PCDH15: variants seen among roughly 807,000 people sequenced by gnomAD.
PCDH15 encodes the protein protocadherin related 15.
PCDH15 carries 129 observed loss-of-function variants against 178.5 expected under a neutral mutation model. The ratio of observed to expected loss-of-function variants is 0.72; its 90% CI spans 0.63 to 0.84. The LOEUF (loss-of-function observed/expected upper bound fraction) is 0.84. Among genes scored for constraint, PCDH15 ranks in the 40% least tolerant of loss-of-function variants. The probability of loss-of-function intolerance (pLI) is 0.00; values close to 1 mark genes in which losing one functional copy is unlikely to be tolerated. For synonymous variants in PCDH15, 800 were observed against 732.0 expected (o/e 1.09, Z -1.50); for missense variants, 2,230 against 2,099.9 (o/e 1.06, Z -1.21).
At chr10:54,306,183 C>T (rs1454329611) in intron 8 of PCDH15, among the ~76,000 whole-genome samples, 1 of 152,008 alleles carries the variant, frequency 6.6e-6, no homozygotes, top group East Asian at 1.9e-4. Context: ...AAACATTTGG[C>T]TTTTCAGCTG....
rs529830839 is a variant in PCDH15 at position 54,620,909 on chromosome 10, AAAG to A, written c.91+43260_91+43262del. Among the ~76,000 whole-genome samples, 245 of 152,114 alleles carry A rather than the reference AAAG, an allele frequency of 1.6e-3. 1 individual carries two copies. Among genetic ancestry groups the A allele is most frequent in the South Asian group, 5.0e-3 (24 of 4,822 alleles). On this transcript the variant is annotated intron_variant, in intron 2 of 37. Coordinates refer to ENST00000644397, the MANE Select transcript of PCDH15 (RefSeq NM_001384140.1). ...CTCTACCATGCTTTCCTGAAACATAAAAGAAGATTTATTACTATTTTAATAAAG... is the reference window on the plus strand; with the variant it reads ...CTCTACCATGCTTTCCTGAAACATAAAAGATTTATTACTATTTTAATAAAG...
chr10:55,596,939 T>C (rs1842946891), intron 2 of PCDH15, among the ~76,000 whole-genome samples: 1 of 152,094 alleles, frequency 6.6e-6, no homozygotes, highest in African/African-American at 2.4e-5. Flanking sequence ...CTATAAAGCT[T>C]GTGCAGAGCA....
intron 9 of PCDH15, among the ~76,000 whole-genome samples, chr10:54,226,978 T>TG (rs2053525354): frequency 1.3e-5 from 2 of 152,216 alleles, no homozygotes; most frequent in South Asian, 2.1e-4. Flanking sequence ...CCACCCCTGT[T>TG]GCTTTGCAGA....
At chr10:55,109,771 T>G (rs931631964) in intron 2 of PCDH15, among the ~76,000 whole-genome samples, 2 of 152,076 alleles carry the variant, frequency 1.3e-5, no homozygotes, top group African/African-American at 4.8e-5. Flanking sequence ...GGGGAAATAA[T>G]TGTTTCCAAA....
chr10:54,411,465 A>G (rs1477973375), intron 3 of PCDH15, among the ~76,000 whole-genome samples: 1 of 152,194 alleles, frequency 6.6e-6, no homozygotes, highest in Non-Finnish European at 1.5e-5. Flanking sequence ...TGGGGTTTGA[A>G]TCACAATTCT....
At chr10:54,915,292 C>G (rs1954882006) in intron 2 of PCDH15, among the ~76,000 whole-genome samples, 1 of 152,104 alleles carries the variant, frequency 6.6e-6, no homozygotes, top group Non-Finnish European at 1.5e-5. Context: ...ATTGAACCCA[C>G]TACAAAGCTT....
chr10:55,454,109 GTTATAT>G (rs904662597), intron 2 of PCDH15, among the ~76,000 whole-genome samples: 95 of 152,110 alleles, frequency 6.2e-4, no homozygotes, highest in Admixed American at 1.1e-3. Flanking sequence ...ATTATGGATA[GTTATAT>G]TTATAAGAAT....
At position 55,043,221 on chromosome 10, in the gene PCDH15, C is replaced by T. The variant is rs142883058; in HGVS notation, c.-80+123355G>A. Reference sequence around the variant, plus strand: ...GAAGCCAATAAATTTCCATAACCCTCCTCTCAATTCCTACTGTTTCTTTAC... The same window carrying T: ...GAAGCCAATAAATTTCCATAACCCTTCTCTCAATTCCTACTGTTTCTTTAC... On this transcript the variant is annotated intron_variant, in intron 2 of 5. Transcript: ENST00000458638. Among the ~76,000 whole-genome samples, 1,320 of 152,104 alleles carry T rather than the reference C, an allele frequency of 8.7e-3. 12 individuals are homozygous for T. The highest frequency in any genetic ancestry group is 0.013 in the Non-Finnish European group (908 of 67,990).
intron 2 of PCDH15, among the ~76,000 whole-genome samples, chr10:55,420,525 G>C (rs943486398): frequency 6.6e-6 from 1 of 151,396 alleles, no homozygotes; most frequent in Admixed American, 6.6e-5. Context: ...ATTTAGGAGG[G>C]GGATGACACG....
In PCDH15 at chr10:55,049,426, GA is replaced by G. The variant is rs200648727; in HGVS notation, c.-80+117149del. Among the ~76,000 whole-genome samples, 191 of 149,500 alleles carry G rather than the reference GA, an allele frequency of 1.3e-3. 1 individual carries two copies. The East Asian group carries it at 0.031, about 24-fold the overall frequency. On this transcript the variant is annotated intron_variant, in intron 2 of 5. Transcript: ENST00000458638. ...ACTGTTGAGCTACATCTCTTTTTCAGAAAAAAAAGGAACATCTTAGTTTTTC... is the reference window on the plus strand; with the variant it reads ...ACTGTTGAGCTACATCTCTTTTTCAGAAAAAAAGGAACATCTTAGTTTTTC...
At chr10:55,244,565 G>A (rs895115457) in intron 1 of PCDH15, among the ~76,000 whole-genome samples, 30 of 151,458 alleles carry the variant, frequency 2.0e-4, no homozygotes, top group Non-Finnish European at 2.5e-4. Context: ...TGTAACAACT[G>A]AACTTATACA....
At chr10:55,405,233 A>G (rs1026947755) in intron 2 of PCDH15, among the ~76,000 whole-genome samples, 1 of 148,448 alleles carries the variant, frequency 6.7e-6, no homozygotes, top group Non-Finnish European at 1.5e-5. Context: ...TATGCACACA[A>G]TACCCACATG....
chr10:54,050,624 T>C (rs564614127), intron 18 of PCDH15, among the ~76,000 whole-genome samples: 76 of 152,234 alleles, frequency 5.0e-4, no homozygotes, highest in African/African-American at 1.8e-3. Flanking sequence ...TGTTTGTTTG[T>C]TTGTTTGTTT....
chr10:55,389,561 A>T (rs1308942397), intron 2 of PCDH15, among the ~76,000 whole-genome samples: 1 of 152,154 alleles, frequency 6.6e-6, no homozygotes, highest in Non-Finnish European at 1.5e-5. Flanking sequence ...GTTAACAGAA[A>T]TTCTACAAAA....
chr10:54,439,176 G>A (rs1473971102), intron 3 of PCDH15, among the ~76,000 whole-genome samples: 1 of 151,992 alleles, frequency 6.6e-6, no homozygotes, highest in African/African-American at 2.4e-5. Context: ...TTTTAAAGCT[G>A]TGAATAATAC....
At chr10:53,900,596 C>T (rs1803439367) in intron 26 of PCDH15, among the ~76,000 whole-genome samples, 1 of 152,152 alleles carries the variant, frequency 6.6e-6, no homozygotes. Flanking sequence ...CACAGACCAT[C>T]ATCAACAAAA....
intron 28 of PCDH15, among the ~76,000 whole-genome samples, chr10:53,852,125 T>C (rs2078423043): frequency 6.6e-6 from 1 of 152,006 alleles, no homozygotes; most frequent in Non-Finnish European, 1.5e-5. Context: ...AGATTCCTCT[T>C]ATTTGAGTTT....
chr10:55,262,446 G>A (rs1474245266), intron 1 of PCDH15, among the ~76,000 whole-genome samples: 2 of 152,288 alleles, frequency 1.3e-5, no homozygotes, highest in Admixed American at 6.5e-5. Flanking sequence ...TGAGACCCTA[G>A]CGGGCAGAGA....
chr10:54,891,160 GT>G (rs1226728466), intron 3 of PCDH15, among the ~76,000 whole-genome samples: 1 of 151,978 alleles, frequency 6.6e-6, no homozygotes, highest in Non-Finnish European at 1.5e-5. Context: ...AAAATTAGGA[GT>G]TTTTTCATGT....
Sources: allele counts gnomAD v4.1 joint callset (sites outside exome capture counted in the v4.1 genomes callset), GRCh38; gene constraint gnomAD v4.1.1; transcripts MANE v1.5; gene names NCBI Gene and HGNC (gene_info 2026-07-23, HGNC 2026-07-21).